The following AGTR2 variants were observed in gnomAD, a reference collection of about 807,000 sequenced individuals.
The protein encoded by AGTR2 is angiotensin II receptor type 2.
In AGTR2, 15 loss-of-function variants were observed where a neutral mutation model predicts 14.2. That is an observed-to-expected ratio of 1.05 (90% CI 0.70 to 1.62). The LOEUF is 1.62. Ranked by LOEUF, AGTR2 falls within the 40% of genes most tolerant of loss-of-function variation. AGTR2 has a pLI of 0.00. For missense variants in AGTR2, 274 were observed against 273.1 expected (o/e 1.00, Z -0.02); for synonymous variants, 101 against 98.5 (o/e 1.03, Z -0.15).
In AGTR2 at chrX:116,173,537, G is replaced by T. The variant is rs1319911833; in HGVS notation, c.*165G>T. 1.4e-6 allele frequency: 1 copy of T among 692,559 alleles called. No homozygotes were observed. Among genetic ancestry groups the T allele is most frequent in the African/African-American group, 2.2e-5 (1 of 45,237 alleles). 57.1% of individuals were successfully genotyped at this position (692,559 alleles called of 1,213,427 possible). A position where few individuals can be genotyped will look rare whatever the true frequency, so the allele number is the denominator to read the frequency against. ...TATCGTCCAGTGACTTTCAGGAATT[G>T]CCCATTGTTTTTCTGATATGTTTGT... is the stretch of plus-strand genomic sequence containing the variant. On this transcript the variant is annotated 3_prime_UTR_variant, in exon 3 of 3. Transcript: ENST00000371906.
rs1438954826 is a variant in AGTR2 at position 116,173,779 on chromosome X, A to G, written c.*407A>G. The stretch of plus-strand genomic sequence containing the variant: ...CAACTCATTGCATCATTTACAAGAC[A>G]ACATTGTAAGAGAGATGAGCACTTC... On this transcript the variant is annotated 3_prime_UTR_variant, in exon 3 of 3. Transcript: ENST00000371906. 2.1e-5 allele frequency: 4 copies of G among 186,153 alleles called. No homozygotes were observed. The highest frequency in any genetic ancestry group is 4.3e-5 in the Non-Finnish European group (4 of 93,968). The allele number at this position is 186,153 out of a possible 1,213,427, so 15.3% of individuals were successfully genotyped here.
Position 116,172,572 on chromosome X carries a change from C to T in AGTR2, c.292C>T (p.Pro98Ser). 8.3e-7 allele frequency: 1 copy of T among 1,211,093 alleles called. No individual in the cohort carries two copies. The highest frequency in any genetic ancestry group is 1.1e-6 in the Non-Finnish European group (1 of 895,128). Residue 98 changes from proline (P) to serine (S), a missense_variant, in exon 3 of 3, where the codon CCT becomes TCT. By Grantham distance (74) the Pro-to-Ser change is moderately conservative. Transcript: ENST00000371906. Reference protein sequence around the residue: ...VADLLLLATLPLWATYYSYRY... With the variant: ...VADLLLLATLSLWATYYSYRY... The stretch of plus-strand genomic sequence containing the variant: ...TGATTTACTCCTTTTGGCTACTCTT[C>T]CTCTATGGGCAACCTATTATTCTTA...
In AGTR2 at chrX:116,174,914, T is replaced by A. The variant is rs1392444871; in HGVS notation, c.*1542T>A. ...GCTAAATGTATAACCAACTATGATG[T>A]TATGTTTTCAATAATTTTGTAAAAC... On this transcript the variant is annotated 3_prime_UTR_variant, in exon 3 of 3. Coordinates refer to ENST00000371906, the MANE Select transcript of AGTR2 (RefSeq NM_000686.5). 8.1e-6 allele frequency: 1 copy of A among 123,583 alleles called. No homozygotes were observed. Among genetic ancestry groups the A allele is most frequent in the African/African-American group, 3.2e-5 (1 of 30,973 alleles). The allele number at this position is 123,583 out of a possible 1,213,427, so 10.2% of individuals were successfully genotyped here.
Position 116,172,873 on chromosome X carries a change from C to T in AGTR2, c.593C>T (p.Ala198Val). The T allele has an allele frequency of 2.5e-6, 3 of 1,211,577 alleles. No homozygotes were observed. Among genetic ancestry groups the T allele is most frequent in the Non-Finnish European group, 3.4e-6 (3 of 895,437 alleles). Residue 198 changes from alanine to valine, a missense_variant, in exon 3 of 3, where the codon GCT becomes GTT. By Grantham distance (64) the Ala-to-Val change is moderately conservative. Transcript: ENST00000371906. Reference sequence around the variant, plus strand: ...TTAGGAGTGAATGCTTGCATTATGGCTTTCCCACCTGAGAAATATGCCCAA... The same window carrying T: ...TTAGGAGTGAATGCTTGCATTATGGTTTTCCCACCTGAGAAATATGCCCAA... ...EYLGVNACIM[A>V]FPPEKYAQWS...
intron 2 of AGTR2, among the ~76,000 whole-genome samples, chrX:116,171,440 C>G (rs1922445008): frequency 9.0e-6 from 1 of 110,680 alleles, no homozygotes; most frequent in Non-Finnish European, 1.9e-5. Flanking sequence ...TTGAACCTAA[C>G]ATAGGTTTGG....
In AGTR2 at chrX:116,174,289, T is replaced by C. The variant is rs1238770018; in HGVS notation, c.*917T>C. 8.2e-6 allele frequency: 1 copy of C among 122,218 alleles called. No individual in the cohort carries two copies. The highest frequency in any genetic ancestry group is 1.9e-5 in the Non-Finnish European group (1 of 53,019). The allele number at this position is 122,218 out of a possible 1,213,427, so 10.1% of individuals were successfully genotyped here. On this transcript the variant is annotated 3_prime_UTR_variant, in exon 3 of 3. Coordinates refer to ENST00000371906, the MANE Select transcript of AGTR2 (RefSeq NM_000686.5). The stretch of plus-strand genomic sequence containing the variant: ...TGGTTCTGGGTTGTTTCCTAAAATA[T>C]CTGGGTGGCTTAAAAAAAACTCTTT...
chrX:116,174,572 T>C lies in AGTR2; in HGVS notation c.*1200T>C. ...TAAACCAATTGCAGGTCTAGATACC[T>C]CCTTCTCAGCACTATTAAAGCTCCT... On this transcript the variant is annotated 3_prime_UTR_variant, in exon 3 of 3. Transcript: ENST00000371906. 1 of 122,994 alleles carries C rather than the reference T, an allele frequency of 8.1e-6. No homozygotes were observed. Among genetic ancestry groups the C allele is most frequent in the Non-Finnish European group, 1.9e-5 (1 of 53,136 alleles). The allele number at this position is 122,994 out of a possible 1,213,427, so 10.1% of individuals were successfully genotyped here.
Position 116,173,338 on chromosome X carries a change from G to T in AGTR2, c.1058G>T (p.Ser353Ile). The change falls in exon 3 of 3, where the codon AGT (serine) becomes ATT (isoleucine). Residue 353 changes from serine (S) to isoleucine (I), a missense_variant. Physicochemically the swap from Ser to Ile is moderately radical, Grantham distance 142 (BLOSUM62 -2). Transcript: ENST00000371906. Reference protein sequence around the residue: ...KRESMSCRKSSSLREMETFVS With the variant: ...KRESMSCRKSISLREMETFVS ...GAGAGTATGTCTTGCCGGAAAAGCA[G>T]TTCTCTTAGAGAAATGGAGACCTTT... 5 of 1,211,479 alleles carry T rather than the reference G, an allele frequency of 4.1e-6. No homozygotes were observed. Among genetic ancestry groups the T allele is most frequent in the Non-Finnish European group, 5.6e-6 (5 of 895,287 alleles).
Position 116,173,489 on chromosome X carries a change from T to C in AGTR2, c.*117T>C. On this transcript the variant is annotated 3_prime_UTR_variant, in exon 3 of 3. Transcript: ENST00000371906. Reference sequence around the variant, plus strand: ...TTCCCCTAATCTTTTCTGAATCTTCTGAAACCAAATGTAACTATGTTTTAT... The same window carrying C: ...TTCCCCTAATCTTTTCTGAATCTTCCGAAACCAAATGTAACTATGTTTTAT... The C allele has an allele frequency of 1.1e-6, 1 of 927,328 alleles. No individual in the cohort carries two copies. Among genetic ancestry groups the C allele is most frequent in the Non-Finnish European group, 1.5e-6 (1 of 668,725 alleles). 76.4% of individuals were successfully genotyped at this position (927,328 alleles called of 1,213,427 possible). A position where few individuals can be genotyped will look rare whatever the true frequency, so the allele number is the denominator to read the frequency against.
rs1309210708 is a variant in AGTR2 at position 116,173,268 on chromosome X, C to T, written c.988C>T (p.Arg330Cys). 5.0e-6 allele frequency: 6 copies of T among 1,209,302 alleles called. No individual in the cohort carries two copies. Among genetic ancestry groups the T allele is most frequent in the South Asian group, 1.8e-5 (1 of 56,811 alleles). ...TGGAAACCGGTTCCAACAGAAGCTC[C>T]GCAGTGTGTTTAGGGTTCCAATTAC... ...FVGNRFQQKL[R>C]SVFRVPITWL... The change falls in exon 3 of 3, where the codon CGC becomes TGC. Residue 330 changes from arginine (R) to cysteine (C), a missense_variant. By Grantham distance (180) the Arg-to-Cys change is radical (BLOSUM62 -3). Coordinates refer to ENST00000371906, the MANE Select transcript of AGTR2 (RefSeq NM_000686.5).
Position 116,173,402 on chromosome X carries a change from T to C in AGTR2, c.*30T>C. 3 of 1,208,327 alleles carry C rather than the reference T, an allele frequency of 2.5e-6. No individual in the cohort carries two copies. The highest frequency in any genetic ancestry group is 3.4e-6 in the Non-Finnish European group (3 of 892,662). On this transcript the variant is annotated 3_prime_UTR_variant, in exon 3 of 3. Transcript: ENST00000371906. The stretch of plus-strand genomic sequence containing the variant: ...GAGAGCAAAATGCATGTAATCAACA[T>C]GGCTACTTGCTTTGAGGCTCACCAG...
At position 116,172,728 on chromosome X, in the gene AGTR2, T is replaced by C. The variant is rs370240834; in HGVS notation, c.448T>C (p.Phe150Leu). 9.7e-5 allele frequency: 117 copies of C among 1,208,827 alleles called. No homozygotes were observed. Among genetic ancestry groups the C allele is most frequent in the Non-Finnish European group, 9.8e-5 (88 of 894,406 alleles). ...TAGGTACCAATCTGTCATCTACCCC[T>C]TTCTGTCTCAAAGAAGAAATCCCTG... ...VDRYQSVIYPFLSQRRNPWQA... is the reference protein window; with the variant it reads ...VDRYQSVIYPLLSQRRNPWQA... The change falls in exon 3 of 3, where the codon TTT (phenylalanine) becomes CTT (leucine). Residue 150 changes from phenylalanine to leucine, a missense_variant. Physicochemically the swap from Phe to Leu is conservative, Grantham distance 22. Coordinates refer to ENST00000371906, the MANE Select transcript of AGTR2 (RefSeq NM_000686.5).
chrX:116,174,609 G>A lies in AGTR2; in HGVS notation c.*1237G>A, dbSNP rs1377542804. Reference sequence around the variant, plus strand: ...CTATTAAAGCTCCTAAGTTAGAGGAGTGCCTAAAACTGAGTTACCTAAAGT... The same window carrying A: ...CTATTAAAGCTCCTAAGTTAGAGGAATGCCTAAAACTGAGTTACCTAAAGT... On this transcript the variant is annotated 3_prime_UTR_variant, in exon 3 of 3. Transcript: ENST00000371906. The A allele has an allele frequency of 1.6e-5, 2 of 122,690 alleles. No individual in the cohort carries two copies. The highest frequency in any genetic ancestry group is 9.6e-5 in the Admixed American group (1 of 10,430). The allele number at this position is 122,690 out of a possible 1,213,427, so 10.1% of individuals were successfully genotyped here. A position where few individuals can be genotyped will look rare whatever the true frequency, so the allele number is the denominator to read the frequency against.
At chrX:116,172,218 C>G in intron 2 of AGTR2, 28 bp from the exon 3 acceptor site, 1 of 1,183,493 alleles carries the variant, frequency 8.4e-7, no homozygotes, top group Non-Finnish European at 1.1e-6. Context: ...TGTATGTGTT[C>G]TAAGAGTTCT....
rs1436035936 is a variant in AGTR2 at position 116,173,569 on chromosome X, T to C, written c.*197T>C. 5.8e-6 allele frequency: 3 copies of C among 521,174 alleles called. No homozygotes were observed. The highest frequency in any genetic ancestry group is 4.8e-5 in the African/African-American group (2 of 42,023). 43.0% of individuals were successfully genotyped at this position (521,174 alleles called of 1,213,427 possible). On this transcript the variant is annotated 3_prime_UTR_variant, in exon 3 of 3. Coordinates refer to ENST00000371906, the MANE Select transcript of AGTR2 (RefSeq NM_000686.5). ...GTTTTTCTGATATGTTTGTACAAGA[T>C]TGTCATTAGTGAGACATATTTACAA... is the stretch of plus-strand genomic sequence containing the variant.
At position 116,173,570 on chromosome X, in the gene AGTR2, T is replaced by C; in HGVS notation, c.*198T>C. The C allele has an allele frequency of 1.9e-6, 1 of 516,906 alleles. No homozygotes were observed. The highest frequency in any genetic ancestry group is 3.1e-6 in the Non-Finnish European group (1 of 319,444). 42.6% of individuals were successfully genotyped at this position (516,906 alleles called of 1,213,427 possible). ...TTTTTCTGATATGTTTGTACAAGAT[T>C]GTCATTAGTGAGACATATTTACAAC... On this transcript the variant is annotated 3_prime_UTR_variant, in exon 3 of 3. Coordinates refer to ENST00000371906, the MANE Select transcript of AGTR2 (RefSeq NM_000686.5).
In AGTR2 at chrX:116,172,699, T is replaced by C; in HGVS notation, c.419T>C (p.Val140Ala). Residue 140 changes from valine to alanine, a missense_variant, in exon 3 of 3, where the codon GTT becomes GCT. Val to Ala is a moderately conservative substitution (Grantham distance 64). Coordinates refer to ENST00000371906, the MANE Select transcript of AGTR2 (RefSeq NM_000686.5). ...ATTTTTTTTATCACCTGCATGAGTG[T>C]TGATAGGTACCAATCTGTCATCTAC... Reference protein sequence around the residue: ...ASIFFITCMSVDRYQSVIYPF... With the variant: ...ASIFFITCMSADRYQSVIYPF... 8.3e-7 allele frequency: 1 copy of C among 1,210,408 alleles called. No homozygotes were observed. The highest frequency in any genetic ancestry group is 1.1e-6 in the Non-Finnish European group (1 of 894,353).
Position 116,173,804 on chromosome X carries a change from CTAAGT to C in AGTR2, c.*434_*438del, listed in dbSNP as rs1317615233. The C allele has an allele frequency of 4.3e-5, 7 of 164,404 alleles. No homozygotes were observed. Among genetic ancestry groups the C allele is most frequent in the Non-Finnish European group, 6.2e-5 (5 of 80,136 alleles). 13.5% of individuals were successfully genotyped at this position (164,404 alleles called of 1,213,427 possible). ...AACATTGTAAGAGAGATGAGCACTT[CTAAGT>C]TGAGTATATTATAATAGATTAGTAC... On this transcript the variant is annotated 3_prime_UTR_variant, in exon 3 of 3. Coordinates refer to ENST00000371906, the MANE Select transcript of AGTR2 (RefSeq NM_000686.5).
At position 116,173,706 on chromosome X, in the gene AGTR2, T is replaced by G; in HGVS notation, c.*334T>G. ...CATGCTTGTGTTTCTTAGTGGGGTTTTATATCCATTTTTATCAGGATTTCC... is the reference window on the plus strand; with the variant it reads ...CATGCTTGTGTTTCTTAGTGGGGTTGTATATCCATTTTTATCAGGATTTCC... On this transcript the variant is annotated 3_prime_UTR_variant, in exon 3 of 3. Coordinates refer to ENST00000371906, the MANE Select transcript of AGTR2 (RefSeq NM_000686.5). 8.5e-6 allele frequency: 2 copies of G among 234,854 alleles called. No homozygotes were observed. The highest frequency in any genetic ancestry group is 1.6e-5 in the Non-Finnish European group (2 of 123,765). The allele number at this position is 234,854 out of a possible 1,213,427, so 19.4% of individuals were successfully genotyped here. A position where few individuals can be genotyped will look rare whatever the true frequency, so the allele number is the denominator to read the frequency against.
Sources: gnomAD v4.1 joint callset for allele counts (sites outside exome capture counted in the v4.1 genomes callset) on GRCh38, gnomAD v4.1.1 for gene constraint, MANE v1.5 for transcripts, NCBI Gene and HGNC (gene_info 2026-07-23, HGNC 2026-07-21) for gene names.